The following STARD13 variants were observed in gnomAD, a reference collection of about 807,000 sequenced individuals.
The protein encoded by STARD13 is StAR related lipid transfer domain containing 13.
A neutral mutation model predicts 106.4 loss-of-function variants in STARD13; 62 were observed. The ratio of observed to expected loss-of-function variants is 0.58; its 90% CI spans 0.48 to 0.72. STARD13 has a LOEUF of 0.72. Ranked by LOEUF, STARD13 falls within the 30% of genes least tolerant of loss-of-function variation. STARD13 has a pLI of 0.00. For synonymous variants in STARD13, 565 were observed against 553.0 expected (o/e 1.02, Z -0.31); for missense variants, 1,387 against 1,424.0 (o/e 0.97, Z 0.42).
the STARD13 span, among the ~76,000 whole-genome samples, chr13:33,544,510 T>A: frequency 6.6e-6 from 1 of 152,212 alleles, no homozygotes; most frequent in Non-Finnish European, 1.5e-5. Flanking sequence ...GATAATCAGT[T>A]CCTAAAATGT....
At chr13:33,197,125 C>T (rs77250742) in intron 1 of STARD13, among the ~76,000 whole-genome samples, 1 of 152,168 alleles carries the variant, frequency 6.6e-6, no homozygotes, top group East Asian at 1.9e-4. Flanking sequence ...GCCTTTTTCA[C>T]ACATGGCACA....
chr13:33,573,101 A>C, the STARD13 span, among the ~76,000 whole-genome samples: 864 of 152,252 alleles, frequency 5.7e-3, 10 homozygotes, highest in African/African-American at 0.02. Context: ...ATGAAAGGTG[A>C]TGGTGATGTG....
intron 1 of STARD13, among the ~76,000 whole-genome samples, chr13:33,195,250 T>C (rs1886529404): frequency 6.6e-6 from 1 of 152,226 alleles, no homozygotes; most frequent in Non-Finnish European, 1.5e-5. Flanking sequence ...ATGCAATATA[T>C]ATTCCCCCAC....
At chr13:33,255,021 A>G (rs1436182893) in intron 1 of STARD13, among the ~76,000 whole-genome samples, 1 of 152,130 alleles carries the variant, frequency 6.6e-6, no homozygotes, top group African/African-American at 2.4e-5. Context: ...CACTCACACT[A>G]TCTGCGGACA....
chr13:33,541,595 T>C, the STARD13 span, among the ~76,000 whole-genome samples: 1 of 152,212 alleles, frequency 6.6e-6, no homozygotes, highest in Admixed American at 6.5e-5. Flanking sequence ...CTTTCTTATA[T>C]CCTCCGGCCC....
At chr13:33,634,286 C>T in the STARD13 span, among the ~76,000 whole-genome samples, 258 of 152,258 alleles carry the variant, frequency 1.7e-3, 1 homozygote, top group Non-Finnish European at 2.0e-3. Flanking sequence ...GAGCAGATCA[C>T]CCCATGAATT....
chr13:33,383,729 T>A, the STARD13 span: 1 of 125,786 alleles, frequency 8.0e-6, no homozygotes, highest in Non-Finnish European at 1.6e-5. Flanking sequence ...TACACTCCAG[T>A]CTGAGAAACG....
At chr13:33,414,907 C>A in the STARD13 span, among the ~76,000 whole-genome samples, 1 of 152,118 alleles carries the variant, frequency 6.6e-6, no homozygotes, top group Non-Finnish European at 1.5e-5. Context: ...GAGCAAACAA[C>A]AAAGCAGCCA....
At chr13:33,146,355 G>A (rs533635590) in intron 3 of STARD13, among the ~76,000 whole-genome samples, 14 of 151,996 alleles carry the variant, frequency 9.2e-5, no homozygotes, top group South Asian at 8.3e-4. Context: ...ATGGTGGCAC[G>A]TGCCTGTAGT....
chr13:33,193,370 A>C (rs1233105497), intron 1 of STARD13, among the ~76,000 whole-genome samples: 1 of 152,228 alleles, frequency 6.6e-6, no homozygotes, highest in Non-Finnish European at 1.5e-5. Context: ...CATTATTTCC[A>C]GTCAGAATGG....
At position 33,111,866 on chromosome 13, in the gene STARD13, C is replaced by A. The variant is rs1874630609; in HGVS notation, c.2519G>T (p.Gly840Val). The change falls in exon 10 of 14, where the codon GGG becomes GTG. Residue 840 changes from glycine to valine, a missense_variant. Physicochemically the swap from Gly to Val is moderately radical, Grantham distance 109 (BLOSUM62 -3). Transcript: ENST00000336934. ...PRVIQKKYAT[G>V]KPDQKDLNEN... ...GTTGAGGTCCTTTTGATCTGGCTTC[C>A]CAGTGGCATATTTCTTCTGTATGAC... is the stretch of plus-strand genomic sequence containing the variant. The A allele has an allele frequency of 1.2e-6, 2 of 1,613,896 alleles. No individual in the cohort carries two copies. Among genetic ancestry groups the A allele is most frequent in the Non-Finnish European group, 1.7e-6 (2 of 1,179,792 alleles).
chr13:33,343,246 T>C (rs1160840026), intron 1 of STARD13, among the ~76,000 whole-genome samples: 13 of 150,926 alleles, frequency 8.6e-5, no homozygotes, highest in African/African-American at 2.9e-4. Context: ...ACTTAAAGTA[T>C]AATAATAGTA....
the STARD13 span, chr13:33,610,873 G>C: frequency 0.01 from 1,588 of 152,476 alleles, 12 homozygotes; most frequent in South Asian, 0.025. Flanking sequence ...CGCTCCTGGC[G>C]CGCGTTCCTG....
At chr13:33,478,161 A>C in the STARD13 span, among the ~76,000 whole-genome samples, 1 of 152,140 alleles carries the variant, frequency 6.6e-6, no homozygotes, top group South Asian at 2.1e-4. Flanking sequence ...GGGGAGATGG[A>C]TCTGAGACTG....
the STARD13 span, among the ~76,000 whole-genome samples, chr13:33,460,226 G>A: frequency 6.6e-6 from 1 of 152,136 alleles, no homozygotes; most frequent in South Asian, 2.1e-4. Context: ...GATGGCTCAT[G>A]TCTGTAATCC....
chr13:33,487,927 G>C, the STARD13 span, among the ~76,000 whole-genome samples: 5 of 152,264 alleles, frequency 3.3e-5, no homozygotes, highest in East Asian at 9.7e-4. Flanking sequence ...CTATGTCCTT[G>C]TATTTGTGAG....
chr13:33,608,532 A>T, the STARD13 span, among the ~76,000 whole-genome samples: 2 of 152,220 alleles, frequency 1.3e-5, no homozygotes, highest in Non-Finnish European at 2.9e-5. Context: ...GAGATAGAAA[A>T]GTAAATCAAT....
At chr13:33,311,160 G>A (rs1416532131) in intron 1 of STARD13, among the ~76,000 whole-genome samples, 1 of 151,496 alleles carries the variant, frequency 6.6e-6, no homozygotes, top group East Asian at 1.9e-4. Context: ...AGTTGGGTGT[G>A]GTAGCATGCA....
chr13:33,606,907 G>T, the STARD13 span, among the ~76,000 whole-genome samples: 1 of 152,176 alleles, frequency 6.6e-6, no homozygotes, highest in Non-Finnish European at 1.5e-5. Context: ...CGCTTCTTCT[G>T]CCTCTCTCCC....
Sources: gnomAD v4.1 joint callset for allele counts (sites outside exome capture counted in the v4.1 genomes callset) on GRCh38, gnomAD v4.1.1 for gene constraint, MANE v1.5 for transcripts, NCBI Gene and HGNC (gene_info 2026-07-23, HGNC 2026-07-21) for gene names.